The following TXNDC16 variants were observed in gnomAD, a reference collection of about 807,000 sequenced individuals.
The protein encoded by TXNDC16 is thioredoxin domain containing 16.
TXNDC16 carries 74 observed loss-of-function variants against 85.6 expected under a neutral mutation model. The ratio of observed to expected loss-of-function variants is 0.86; its 90% CI spans 0.72 to 1.05. The LOEUF is 1.05. Among genes scored for constraint, TXNDC16 ranks in the 50% least tolerant of loss-of-function variants. The pLI is 0.00. For missense variants in TXNDC16, 959 were observed against 947.0 expected, an observed-to-expected ratio of 1.01 and a Z score of -0.17; for synonymous variants, 335 against 326.5, an observed-to-expected ratio of 1.03 and a Z score of -0.28.
intron 19 of TXNDC16, among the ~76,000 whole-genome samples, chr14:52,440,326 T>A (rs2035135753): frequency 6.6e-6 from 1 of 152,166 alleles, no homozygotes; most frequent in Non-Finnish European, 1.5e-5. Context: ...GGGCATCAAT[T>A]CCTTTTAAAA....
intron 1 of TXNDC16, among the ~76,000 whole-genome samples, chr14:52,547,171 T>A (rs1423905756): frequency 2.6e-5 from 4 of 152,076 alleles, no homozygotes; most frequent in Non-Finnish European, 2.9e-5. Flanking sequence ...CCGTGCATGG[T>A]CACAAAGCAA....
chr14:52,508,982 C>G (rs2036886671), intron 9 of TXNDC16, among the ~76,000 whole-genome samples: 1 of 152,064 alleles, frequency 6.6e-6, no homozygotes, highest in Admixed American at 6.5e-5. Context: ...GTGCAGCACA[C>G]CAACATGGCA....
intron 20 of TXNDC16, 106 bp from the exon 21 acceptor site, chr14:52,432,693 G>GT: frequency 9.1e-7 from 1 of 1,100,782 alleles, no homozygotes; most frequent in South Asian, 2.2e-5. Flanking sequence ...AGAAGTGAAA[G>GT]TTTTATTAGT....
At chr14:52,505,278 GCACCA>G (rs951774831) in intron 9 of TXNDC16, among the ~76,000 whole-genome samples, 3 of 152,140 alleles carry the variant, frequency 2.0e-5, no homozygotes, top group Non-Finnish European at 4.4e-5. Context: ...ATTCTTTTCA[GCACCA>G]CACCACACCT....
At chr14:52,525,535 C>T (rs80090988) in intron 6 of TXNDC16, among the ~76,000 whole-genome samples, 1 of 136,138 alleles carries the variant, frequency 7.3e-6, no homozygotes, top group Non-Finnish European at 1.6e-5. Flanking sequence ...ACTAAAAATA[C>T]AAAAAAAAAA....
At chr14:52,529,335 G>A (rs1035006382) in intron 6 of TXNDC16, among the ~76,000 whole-genome samples, 1 of 150,550 alleles carries the variant, frequency 6.6e-6, no homozygotes, top group Admixed American at 6.7e-5. Flanking sequence ...GGTGGGAGGA[G>A]GGGGGAGGGA....
chr14:52,439,553 A>T (rs540063493), intron 19 of TXNDC16, among the ~76,000 whole-genome samples, 159 bp from the exon 20 acceptor site: 1 of 152,366 alleles, frequency 6.6e-6, no homozygotes, highest in Admixed American at 6.5e-5. Context: ...ACATGTTATT[A>T]GTAACCGGAT....
At chr14:52,548,210 T>A (rs529231161) in intron 1 of TXNDC16, among the ~76,000 whole-genome samples, 2 of 152,298 alleles carry the variant, frequency 1.3e-5, no homozygotes, top group South Asian at 2.1e-4. Flanking sequence ...GCAGAACGAA[T>A]GTAGAAATGA....
chr14:52,507,032 T>C (rs10140708), intron 9 of TXNDC16, among the ~76,000 whole-genome samples: 35,865 of 151,292 alleles, frequency 0.24, 4,854 homozygotes, highest in African/African-American at 0.36. Context: ...CTCACCACTC[T>C]TATTCAACAT....
At chr14:52,480,810 C>G (rs1011040592) in intron 14 of TXNDC16, among the ~76,000 whole-genome samples, 1 of 151,816 alleles carries the variant, frequency 6.6e-6, no homozygotes, top group Admixed American at 6.6e-5. Flanking sequence ...AATCCCACTA[C>G]TGGTTACCCA....
At chr14:52,529,932 T>C (rs1363404441) in intron 6 of TXNDC16, among the ~76,000 whole-genome samples, 1 of 106,000 alleles carries the variant, frequency 9.4e-6, no homozygotes, top group African/African-American at 3.9e-5. Context: ...ATTATATATA[T>C]TATATATATG....
chr14:52,443,776 A>G (rs1566529879), intron 18 of TXNDC16, among the ~76,000 whole-genome samples: 2 of 152,150 alleles, frequency 1.3e-5, no homozygotes, highest in Non-Finnish European at 2.9e-5. Flanking sequence ...TCAAAAGATG[A>G]CTAACTAGAA....
chr14:52,482,229 C>T lies in TXNDC16; in HGVS notation c.1312+1G>A. The T allele has an allele frequency of 6.2e-7, 1 of 1,611,494 alleles. No individual in the cohort carries two copies. The highest frequency in any genetic ancestry group is 8.5e-7 in the Non-Finnish European group (1 of 1,178,506). ...TAAGCATGCATAGCACAGTACACTA[C>T]CTTTCAGTTTAACTGCCACATCAAT... On this transcript the variant is annotated splice_donor_variant, in intron 14 of 20. Transcript: ENST00000281741. LOFTEE classifies it high-confidence loss of function.
At chr14:52,447,712 T>G (rs747079927) in intron 18 of TXNDC16, among the ~76,000 whole-genome samples, 10 of 151,956 alleles carry the variant, frequency 6.6e-5, no homozygotes, top group Non-Finnish European at 1.3e-4. Context: ...CAGAGACCAA[T>G]CCTGGAGAAA....
intron 9 of TXNDC16, among the ~76,000 whole-genome samples, chr14:52,499,236 G>A (rs28893029): frequency 0.048 from 7,298 of 152,058 alleles, 556 homozygotes; most frequent in African/African-American, 0.16. Context: ...AACATAGGGG[G>A]AAAAGTTTCA....
intron 9 of TXNDC16, among the ~76,000 whole-genome samples, chr14:52,506,128 C>T (rs2036793458): frequency 6.6e-6 from 1 of 152,118 alleles, no homozygotes; most frequent in Non-Finnish European, 1.5e-5. Flanking sequence ...GATTCACAGC[C>T]GAATTCTACC....
At chr14:52,511,024 T>G (rs2036940900) in intron 9 of TXNDC16, among the ~76,000 whole-genome samples, 1 of 152,184 alleles carries the variant, frequency 6.6e-6, no homozygotes, top group Non-Finnish European at 1.5e-5. Context: ...AAAATGTCAT[T>G]TAATGAACAG....
At chr14:52,439,082 C>A in intron 20 of TXNDC16, 122 bp downstream of exon 20, 1 of 1,052,054 alleles carries the variant, frequency 9.5e-7, no homozygotes, top group Non-Finnish European at 1.4e-6. Flanking sequence ...AGAGACTGTC[C>A]ACATGGATGA....
intron 14 of TXNDC16, 134 bp from the exon 15 acceptor site, chr14:52,470,814 C>T: frequency 1.4e-6 from 1 of 739,602 alleles, no homozygotes; most frequent in Non-Finnish European, 2.1e-6. Flanking sequence ...ACACTCTCTT[C>T]CCTTGATCTT....
Sources: gnomAD v4.1 joint callset for allele counts (sites outside exome capture counted in the v4.1 genomes callset) on GRCh38, gnomAD v4.1.1 for gene constraint, MANE v1.5 for transcripts, NCBI Gene and HGNC (gene_info 2026-07-23, HGNC 2026-07-21) for gene names.